SLC9A9: variants seen among roughly 807,000 people sequenced by gnomAD.
SLC9A9 encodes the protein solute carrier family 9 member A9.
A neutral mutation model predicts 77.8 loss-of-function variants in SLC9A9; 62 were observed. The observed-to-expected ratio is 0.80, with a 90% confidence interval of 0.65 to 0.98. The LOEUF (loss-of-function observed/expected upper bound fraction) is 0.98, where lower values mean the gene tolerates loss of function less well. Ranked by LOEUF, SLC9A9 falls within the 50% of genes least tolerant of loss-of-function variation. The pLI, the probability that SLC9A9 is intolerant of heterozygous loss-of-function variation, is 0.00. For synonymous variants in SLC9A9, 320 were observed against 283.5 expected (o/e 1.13, Z -1.29); for missense variants, 775 against 774.9 (o/e 1.00, Z 0.00).
chr3:143,708,967 G>A (rs1934068901), intron 4 of SLC9A9, among the ~76,000 whole-genome samples: 1 of 152,186 alleles, frequency 6.6e-6, no homozygotes, highest in South Asian at 2.1e-4. Context: ...ATGGTCTGGG[G>A]AAGAAGACCT....
chr3:143,699,155 T>C (rs1171809268), intron 4 of SLC9A9, among the ~76,000 whole-genome samples: 1 of 152,220 alleles, frequency 6.6e-6, no homozygotes, highest in Non-Finnish European at 1.5e-5. Context: ...AATTCATTCA[T>C]TCATGTATTC....
intron 14 of SLC9A9, among the ~76,000 whole-genome samples, chr3:143,302,167 T>TGAG (rs1450729559): frequency 6.6e-6 from 1 of 152,194 alleles, no homozygotes; most frequent in Non-Finnish European, 1.5e-5. Flanking sequence ...ATGCAGAGGA[T>TGAG]GAGGAGCACG....
intron 6 of SLC9A9, among the ~76,000 whole-genome samples, chr3:143,644,145 G>A (rs1171792859): frequency 6.6e-6 from 1 of 152,168 alleles, no homozygotes; most frequent in African/African-American, 2.4e-5. Flanking sequence ...AGCCTGGCAT[G>A]TCCAGAGTCA....
At chr3:143,679,181 G>A (rs1458679438) in intron 5 of SLC9A9, among the ~76,000 whole-genome samples, 1 of 152,166 alleles carries the variant, frequency 6.6e-6, no homozygotes, top group Non-Finnish European at 1.5e-5. Flanking sequence ...TGGCTTACTT[G>A]CATTTCCATG....
intron 2 of SLC9A9, among the ~76,000 whole-genome samples, chr3:143,828,774 T>A (rs2009364354): frequency 6.6e-6 from 1 of 152,210 alleles, no homozygotes; most frequent in Admixed American, 6.5e-5. Flanking sequence ...AAAGTTCTTG[T>A]TGTGTTGAGT....
intron 8 of SLC9A9, among the ~76,000 whole-genome samples, chr3:143,572,059 G>A (rs539153586): frequency 1.3e-5 from 2 of 152,254 alleles, no homozygotes; most frequent in African/African-American, 2.4e-5. Context: ...TTCTGTTACT[G>A]GGGTTCACAC....
chr3:143,437,529 C>G (rs2034645052), intron 12 of SLC9A9, among the ~76,000 whole-genome samples: 1 of 152,222 alleles, frequency 6.6e-6, no homozygotes, highest in Non-Finnish European at 1.5e-5. Flanking sequence ...CACTAAAGAT[C>G]TAAGACTTTA....
intron 14 of SLC9A9, among the ~76,000 whole-genome samples, chr3:143,340,334 G>A (rs2032058056): frequency 6.6e-6 from 1 of 152,148 alleles, no homozygotes; most frequent in Admixed American, 6.5e-5. Context: ...TCTCTCACAG[G>A]AATACATTCG....
chr3:143,657,971 A>T (rs1275376956), intron 5 of SLC9A9, among the ~76,000 whole-genome samples: 2 of 152,016 alleles, frequency 1.3e-5, no homozygotes, highest in Non-Finnish European at 2.9e-5. Flanking sequence ...GGCTCAAGTG[A>T]TTCTCCTGCC....
chr3:143,507,583 T>C (rs1184165114), intron 9 of SLC9A9, among the ~76,000 whole-genome samples: 1 of 152,250 alleles, frequency 6.6e-6, no homozygotes, highest in Non-Finnish European at 1.5e-5. Context: ...TGAAGCATCA[T>C]TATTAGCCAA....
chr3:143,815,546 TAAAAA>T (rs879891528), intron 2 of SLC9A9, among the ~76,000 whole-genome samples: 43,961 of 151,132 alleles, frequency 0.29, 7,219 homozygotes, highest in East Asian at 0.35. Context: ...TTTGCTATTT[TAAAAA>T]AAAAAAAAGG....
chr3:143,405,216 TC>T (rs1188614532), intron 12 of SLC9A9, among the ~76,000 whole-genome samples: 4 of 152,160 alleles, frequency 2.6e-5, no homozygotes, highest in Non-Finnish European at 4.4e-5. Flanking sequence ...GCTATTAGTC[TC>T]CACTTCATTG....
chr3:143,641,699 C>T (rs891907677), intron 6 of SLC9A9, among the ~76,000 whole-genome samples: 11 of 152,118 alleles, frequency 7.2e-5, no homozygotes, highest in African/African-American at 2.7e-4. Flanking sequence ...GGCCTGTTGT[C>T]GCAGTCTTTT....
intron 5 of SLC9A9, among the ~76,000 whole-genome samples, chr3:143,677,168 T>C (rs1932910907): frequency 6.6e-6 from 1 of 152,120 alleles, no homozygotes; most frequent in South Asian, 2.1e-4. Context: ...AAGGGGAGAC[T>C]GGAAGAAAAA....
chr3:143,293,176 A>G (rs1179457749), intron 14 of SLC9A9, among the ~76,000 whole-genome samples: 1 of 152,112 alleles, frequency 6.6e-6, no homozygotes, highest in African/African-American at 2.4e-5. Flanking sequence ...GAAATGTATC[A>G]CTTGTCTGCA....
chr3:143,735,184 C>T (rs367924019), intron 4 of SLC9A9, among the ~76,000 whole-genome samples: 1 of 151,980 alleles, frequency 6.6e-6, no homozygotes, highest in Admixed American at 6.5e-5. Flanking sequence ...TCTCTGTTCC[C>T]AAAAGAGAAA....
intron 4 of SLC9A9, among the ~76,000 whole-genome samples, chr3:143,765,081 TTTTC>T (rs1420219408): frequency 3.3e-5 from 5 of 149,492 alleles, no homozygotes; most frequent in African/African-American, 5.0e-5. Flanking sequence ...CTCTCTTTCT[TTTTC>T]TTTCTCTCTT....
rs754161915 is a variant in SLC9A9 at position 143,837,692 on chromosome 3, C to T, written c.176-5471G>A. 4.6e-5 allele frequency among the ~76,000 whole-genome samples: 7 copies of T among 152,136 alleles called. No homozygotes were observed. The East Asian group carries it at 5.8e-4, about 13-fold the overall frequency. On this transcript the variant is annotated intron_variant, in intron 1 of 15. Coordinates refer to ENST00000316549, the MANE Select transcript of SLC9A9 (RefSeq NM_173653.4). Reference sequence around the variant, plus strand: ...GGGGAAGTTGAACTCACTCCAGCTCCGGGGATGTTCTCACTCTCCCTGCTG... The same window carrying T: ...GGGGAAGTTGAACTCACTCCAGCTCTGGGGATGTTCTCACTCTCCCTGCTG...
At position 143,403,401 on chromosome 3, in the gene SLC9A9, G is replaced by T. The variant is rs544107127; in HGVS notation, c.1470-21287C>A. Among the ~76,000 whole-genome samples, 5 of 150,708 alleles carry T rather than the reference G, an allele frequency of 3.3e-5. No homozygotes were observed. In the South Asian group the frequency reaches 8.4e-4, roughly 25 times the overall value. ...TTTAAAAAGAAAGGAGATACAATATGTAATTATGCTGTTTTTTATAGTTAA... is the reference window on the plus strand; with the variant it reads ...TTTAAAAAGAAAGGAGATACAATATTTAATTATGCTGTTTTTTATAGTTAA... On this transcript the variant is annotated intron_variant, in intron 12 of 15. Coordinates refer to ENST00000316549, the MANE Select transcript of SLC9A9 (RefSeq NM_173653.4).
Sources: allele counts gnomAD v4.1 joint callset (sites outside exome capture counted in the v4.1 genomes callset), GRCh38; gene constraint gnomAD v4.1.1; transcripts MANE v1.5; gene names NCBI Gene and HGNC (gene_info 2026-07-23, HGNC 2026-07-21).